Variants in RFTN1 observed in about 807,000 individuals in gnomAD.
RFTN1 encodes raftlin, lipid raft linker 1.
Under a neutral mutation model 46.5 loss-of-function variants are expected in RFTN1, and 26 were observed. That is an observed-to-expected ratio of 0.56 (90% CI 0.41 to 0.78). The LOEUF (loss-of-function observed/expected upper bound fraction) is 0.78, where lower values mean the gene tolerates loss of function less well. Ranked by LOEUF, RFTN1 falls within the 30% of genes least tolerant of loss-of-function variation. The pLI, the probability that RFTN1 is intolerant of heterozygous loss-of-function variation, is 0.00. For synonymous variants in RFTN1, 261 were observed against 284.2 expected (o/e 0.92, Z 0.82); for missense variants, 693 against 718.7 (o/e 0.96, Z 0.41).
rs2076423728 is a variant in RFTN1 at position 16,484,921 on chromosome 3, T to C, written c.145+8804A>G. On this transcript the variant is annotated intron_variant, in intron 2 of 9. Transcript: ENST00000334133. The surrounding 1 kb of genome is among the most constrained non-coding windows in gnomAD (Gnocchi z 4.6). Reference sequence around the variant, plus strand: ...CTCATAAGATTGTTGTTAGTTTGTTTAGAAGAGATTAATACAACAGTAGGT... The same window carrying C: ...CTCATAAGATTGTTGTTAGTTTGTTCAGAAGAGATTAATACAACAGTAGGT... 1 of 152,254 alleles carries C rather than the reference T, an allele frequency of 6.6e-6. No homozygotes were observed. The highest frequency in any genetic ancestry group is 1.5e-5 in the Non-Finnish European group (1 of 68,046). The allele number at this position is 152,254 out of a possible 1,614,324, so 9.4% of individuals were successfully genotyped here. A position where few individuals can be genotyped will look rare whatever the true frequency, so the allele number is the denominator to read the frequency against.
In RFTN1 at chr3:16,427,487, G is replaced by A. The variant is rs1575274830; in HGVS notation, c.332+6364C>T. ...GTTTCTCTTGCATCACTTGACCCTG[G>A]GTGGACAAGGCTGACTCATTCAGTC... On this transcript the variant is annotated intron_variant, in intron 3 of 9. Transcript: ENST00000334133. The surrounding 1 kb of genome is among the most constrained non-coding windows in gnomAD (Gnocchi z 5.4). 6.6e-6 allele frequency among the ~76,000 whole-genome samples: 1 copy of A among 152,214 alleles called. No homozygotes were observed. Among genetic ancestry groups the A allele is most frequent in the East Asian group, 1.9e-4 (1 of 5,204 alleles).
Position 16,376,430 on chromosome 3 carries a change from A to G in RFTN1, c.826+1288T>C, listed in dbSNP as rs1471592933. Among the ~76,000 whole-genome samples the G allele has an allele frequency of 6.6e-6, 1 of 152,054 alleles. No individual in the cohort carries two copies. Among genetic ancestry groups the G allele is most frequent in the African/African-American group, 2.4e-5 (1 of 41,384 alleles). The stretch of plus-strand genomic sequence containing the variant: ...GACTCTCGCCCTCCCACAGTCCTGG[A>G]CCGTACAGAAGGACTCCAGTGAGGT... On this transcript the variant is annotated intron_variant, in intron 5 of 9. Coordinates refer to ENST00000334133, the MANE Select transcript of RFTN1 (RefSeq NM_015150.2). The surrounding 1 kb of genome is among the most constrained non-coding windows in gnomAD (Gnocchi z 4.7).
intron 4 of RFTN1, among the ~76,000 whole-genome samples, chr3:16,401,324 A>ATC (rs1491015797): frequency 0.086 from 4,919 of 56,970 alleles, 226 homozygotes; most frequent in African/African-American, 0.33. Flanking sequence ...GCCGTGTTAA[A>ATC]AAAAAAAAAA....
chr3:16,316,971 C>A lies in RFTN1; in HGVS notation c.1594G>T (p.Glu532Ter), dbSNP rs1220774198. 6.2e-7 allele frequency: 1 copy of A among 1,614,018 alleles called. No individual in the cohort carries two copies. The highest frequency in any genetic ancestry group is 1.1e-5 in the South Asian group (1 of 91,082). The change falls in exon 10 of 10, where the codon GAG (glutamate) becomes TAG (stop). Residue 532 changes from glutamate to a stop codon, truncating the protein, a stop_gained. Transcript: ENST00000334133. LOFTEE classifies it low-confidence loss of function (END_TRUNC). The surrounding 1 kb of genome is among the most constrained non-coding windows in gnomAD (Gnocchi z 4.5). ...GGACCATTCTGCACAGCCTCACCCT[C>A]CACACCCACCCCACACAGCAGGCCA... ...PGGLLCGVGVEGEAVQNGPAS... is the reference protein window; with the variant it reads ...PGGLLCGVGV
At position 16,374,812 on chromosome 3, in the gene RFTN1, C is replaced by T. The variant is rs2073684209; in HGVS notation, c.826+2906G>A. 6.6e-6 allele frequency among the ~76,000 whole-genome samples: 1 copy of T among 152,152 alleles called. No individual in the cohort carries two copies. Among genetic ancestry groups the T allele is most frequent in the Non-Finnish European group, 1.5e-5 (1 of 68,026 alleles). ...CCAACCAAAAGGAAATTCCCCCAGA[C>T]CAGGAAATAAGTCAGCGAGCAGGAA... On this transcript the variant is annotated intron_variant, in intron 5 of 9. Transcript: ENST00000334133. This position sits in a 1 kb window ranked among gnomAD's most constrained non-coding sequence, Gnocchi z 5.4.
rs1362177907 is a variant in RFTN1, at chr3:16,473,358, G to A, written c.145+20367C>T. On this transcript the variant is annotated intron_variant, in intron 2 of 9. Transcript: ENST00000334133. The surrounding 1 kb of genome is among the most constrained non-coding windows in gnomAD (Gnocchi z 5.3). ...GACTTGAAGTACCTTCCTGTCAGAT[G>A]ATTAAATAAGGTCCACAAAAATACT... is the stretch of plus-strand genomic sequence containing the variant. Among the ~76,000 whole-genome samples the A allele has an allele frequency of 2.0e-5, 3 of 151,578 alleles. No homozygotes were observed. The highest frequency in any genetic ancestry group is 1.3e-4 in the Admixed American group (2 of 15,228).
At chr3:16,405,344 T>C (rs1462895291) in intron 4 of RFTN1, among the ~76,000 whole-genome samples, 1 of 152,214 alleles carries the variant, frequency 6.6e-6, no homozygotes, top group Non-Finnish European at 1.5e-5. Flanking sequence ...CCCATAGCTC[T>C]GCATTTTAAA....
intron 7 of RFTN1, among the ~76,000 whole-genome samples, chr3:16,340,309 C>T (rs2071232825): frequency 1.3e-5 from 2 of 152,202 alleles, no homozygotes; most frequent in African/African-American, 4.8e-5. Flanking sequence ...CCACTTGCTG[C>T]TTTTGGGAAT....
intron 7 of RFTN1, among the ~76,000 whole-genome samples, chr3:16,332,091 G>A (rs375885730): frequency 2.0e-5 from 3 of 152,072 alleles, no homozygotes; most frequent in South Asian, 2.1e-4. Context: ...GTGCTTTGGT[G>A]TGGGTCTTTT....
Position 16,421,427 on chromosome 3 carries a change from C to T in RFTN1, c.333-11944G>A, listed in dbSNP as rs1279089245. On this transcript the variant is annotated intron_variant, in intron 3 of 9. Transcript: ENST00000334133. The surrounding 1 kb of genome is among the most constrained non-coding windows in gnomAD (Gnocchi z 4.6). ...GGTGCAGTGGCATAATCTCAGCTCA[C>T]TGCAATCTCCACCTCCCGGGTTCAA... Among the ~76,000 whole-genome samples the T allele has an allele frequency of 6.6e-6, 1 of 151,896 alleles. No homozygotes were observed. The highest frequency in any genetic ancestry group is 1.9e-4 in the East Asian group (1 of 5,176).
chr3:16,487,108 C>A (rs961232534), intron 2 of RFTN1, among the ~76,000 whole-genome samples: 1 of 152,228 alleles, frequency 6.6e-6, no homozygotes, highest in Non-Finnish European at 1.5e-5. Flanking sequence ...CAACTTCCAG[C>A]CTCCAGAACT....
rs550820908 is a variant in RFTN1, at chr3:16,317,293, A to G, written c.1333-61T>C. The G allele has an allele frequency of 1.6e-4, 249 of 1,563,348 alleles. 1 individual carries two copies. The highest frequency in any genetic ancestry group is 2.7e-5 in the Non-Finnish European group (31 of 1,152,874). On this transcript the variant is annotated intron_variant, in intron 9 of 9. Coordinates refer to ENST00000334133, the MANE Select transcript of RFTN1 (RefSeq NM_015150.2). This position sits in a 1 kb window ranked among gnomAD's most constrained non-coding sequence, Gnocchi z 4.3. Reference sequence around the variant, plus strand: ...CTCCGGGAACCCAGAGCTTCACCCAAAGCCTTGTTTGCATTCATACCCACA... The same window carrying G: ...CTCCGGGAACCCAGAGCTTCACCCAGAGCCTTGTTTGCATTCATACCCACA...
chr3:16,492,757 A>G (rs1197704838), intron 2 of RFTN1, among the ~76,000 whole-genome samples: 1 of 152,160 alleles, frequency 6.6e-6, no homozygotes, highest in African/African-American at 2.4e-5. Flanking sequence ...AAACCTGTGG[A>G]GTTCTTTTAT....
intron 2 of RFTN1, among the ~76,000 whole-genome samples, chr3:16,477,593 TG>T (rs1386866152): frequency 6.6e-6 from 1 of 152,194 alleles, no homozygotes; most frequent in Non-Finnish European, 1.5e-5. Flanking sequence ...CAGGGACATA[TG>T]GGAAGAGCCA....
chr3:16,371,836 GA>G (rs1457848412), intron 5 of RFTN1, among the ~76,000 whole-genome samples: 1 of 152,206 alleles, frequency 6.6e-6, no homozygotes, highest in African/African-American at 2.4e-5. Flanking sequence ...TTTCACACCA[GA>G]AATTAGGTCT....
In RFTN1 at chr3:16,400,055, T is replaced by C. The variant is rs1441872434; in HGVS notation, c.441+9320A>G. Among the ~76,000 whole-genome samples the C allele has an allele frequency of 2.6e-5, 4 of 152,150 alleles. No individual in the cohort carries two copies. Among genetic ancestry groups the C allele is most frequent in the Non-Finnish European group, 4.4e-5 (3 of 68,010 alleles). ...CAGCCATTCTGATCTTTCCAAAGTA[T>C]ACATTTAGGAATCATTCTCCAGCTG... On this transcript the variant is annotated intron_variant, in intron 4 of 9. Transcript: ENST00000334133. This position sits in a 1 kb window ranked among gnomAD's most constrained non-coding sequence, Gnocchi z 4.5.
At chr3:16,464,547 C>T (rs1017048672) in intron 2 of RFTN1, among the ~76,000 whole-genome samples, 15 of 152,196 alleles carry the variant, frequency 9.9e-5, no homozygotes, top group Non-Finnish European at 1.5e-5. Flanking sequence ...TTTTCATTGT[C>T]ATAATTAGTT....
chr3:16,381,613 G>C lies in RFTN1; in HGVS notation c.442-3511C>G, dbSNP rs2073996479. Among the ~76,000 whole-genome samples, 1 of 152,158 alleles carries C rather than the reference G, an allele frequency of 6.6e-6. No homozygotes were observed. The highest frequency in any genetic ancestry group is 1.5e-5 in the Non-Finnish European group (1 of 68,038). On this transcript the variant is annotated intron_variant, in intron 4 of 9. Coordinates refer to ENST00000334133, the MANE Select transcript of RFTN1 (RefSeq NM_015150.2). The surrounding 1 kb of genome is among the most constrained non-coding windows in gnomAD (Gnocchi z 4.2). ...CTATTTGGGACCTACTCTGCAGAAGGCTTTGAAGGATGAATAAGAGTTCAG... is the reference window on the plus strand; with the variant it reads ...CTATTTGGGACCTACTCTGCAGAAGCCTTTGAAGGATGAATAAGAGTTCAG...
chr3:16,489,765 GT>G lies in RFTN1; in HGVS notation c.145+3959del, dbSNP rs1192228183. Among the ~76,000 whole-genome samples the G allele has an allele frequency of 2.6e-5, 4 of 152,006 alleles. No homozygotes were observed. Among genetic ancestry groups the G allele is most frequent in the African/African-American group, 7.3e-5 (3 of 41,360 alleles). ...TCTACTAAAAATACCAAAATTAGCCGTGTGTAGTGGTGCATGCTTGGAATCC... is the reference window on the plus strand; with the variant it reads ...TCTACTAAAAATACCAAAATTAGCCGGTGTAGTGGTGCATGCTTGGAATCC... On this transcript the variant is annotated intron_variant, in intron 2 of 9. Transcript: ENST00000334133. This position sits in a 1 kb window ranked among gnomAD's most constrained non-coding sequence, Gnocchi z 4.0.
Sources: allele counts gnomAD v4.1 joint callset (sites outside exome capture counted in the v4.1 genomes callset), GRCh38; gene constraint gnomAD v4.1.1; non-coding constraint Gnocchi (gnomAD v3.1); transcripts MANE v1.5; gene names NCBI Gene and HGNC (gene_info 2026-07-23, HGNC 2026-07-21).